The following MRPS35 variants were observed in gnomAD, a reference collection of about 807,000 sequenced individuals.
MRPS35 encodes mitochondrial ribosomal protein S35.
A neutral mutation model predicts 32.7 loss-of-function variants in MRPS35; 29 were observed. The observed-to-expected ratio is 0.89, with a 90% CI of 0.66 to 1.21. The LOEUF (loss-of-function observed/expected upper bound fraction) is 1.21. Ranked by LOEUF, MRPS35 falls within the 50% of genes most tolerant of loss-of-function variation. MRPS35 has a pLI of 0.00. For synonymous variants in MRPS35, 148 were observed against 139.3 expected (o/e 1.06, Z -0.44); for missense variants, 373 against 383.8 (o/e 0.97, Z 0.23).
chr12:27,721,879 G>T (rs575453651), intron 4 of MRPS35, among the ~76,000 whole-genome samples: 2 of 152,208 alleles, frequency 1.3e-5, no homozygotes, highest in South Asian at 4.1e-4. Context: ...TTGATCCCAG[G>T]AGTTTGAGAC....
rs2062009245 is a variant in MRPS35, at chr12:27,752,448, A to C, written c.703-2733A>C. Among the ~76,000 whole-genome samples the C allele has an allele frequency of 2.6e-5, 4 of 152,226 alleles. 1 individual carries two copies. In the South Asian group the frequency reaches 8.3e-4, roughly 32 times the overall value. ...GCATCTATTTTGAAGCCGTTAAGAAAATTCAGATAAAACATGTGAAACTTA... is the reference window on the plus strand; with the variant it reads ...GCATCTATTTTGAAGCCGTTAAGAACATTCAGATAAAACATGTGAAACTTA... On this transcript the variant is annotated intron_variant, in intron 7 of 7. Coordinates refer to ENST00000081029, the MANE Select transcript of MRPS35 (RefSeq NM_021821.4).
chr12:27,751,392 A>G (rs2062002686), intron 7 of MRPS35, among the ~76,000 whole-genome samples: 4 of 152,154 alleles, frequency 2.6e-5, no homozygotes, highest in Admixed American at 2.6e-4. Context: ...GCGTGGGTGG[A>G]TGAGCAGAAA....
chr12:27,750,102 G>C (rs993642536), intron 7 of MRPS35, among the ~76,000 whole-genome samples: 1 of 152,152 alleles, frequency 6.6e-6, no homozygotes, highest in African/African-American at 2.4e-5. Flanking sequence ...ATAGATGAGA[G>C]GCTATTTATA....
Position 27,755,475 on chromosome 12 carries a change from G to C in MRPS35, c.*25G>C. The stretch of plus-strand genomic sequence containing the variant: ...AATTATGGAGTAGAAAAATCTGCTT[G>C]ATTTATTAATTTTATGATATATGTG... On this transcript the variant is annotated 3_prime_UTR_variant, in exon 8 of 8. Transcript: ENST00000081029. 1 of 1,497,034 alleles carries C rather than the reference G, an allele frequency of 6.7e-7. No individual in the cohort carries two copies. Among genetic ancestry groups the C allele is most frequent in the Non-Finnish European group, 8.9e-7 (1 of 1,126,928 alleles). 92.7% of individuals were successfully genotyped at this position (1,497,034 alleles called of 1,614,324 possible).
At chr12:27,746,692 T>C (rs142589989) in intron 7 of MRPS35, among the ~76,000 whole-genome samples, 2 of 152,362 alleles carry the variant, frequency 1.3e-5, no homozygotes, top group East Asian at 3.9e-4. Context: ...TTCATTTTAT[T>C]ATATACTTAA....
intron 2 of MRPS35, among the ~76,000 whole-genome samples, chr12:27,715,247 T>A (rs1388904117): frequency 6.6e-6 from 1 of 152,262 alleles, no homozygotes; most frequent in Non-Finnish European, 1.5e-5. Flanking sequence ...GTGGTTCTCC[T>A]GCCTCAGCCT....
chr12:27,755,195 G>T lies in MRPS35; in HGVS notation c.717G>T (p.Trp239Cys). The T allele has an allele frequency of 6.5e-7, 1 of 1,543,744 alleles. No individual in the cohort carries two copies. Among genetic ancestry groups the T allele is most frequent in the South Asian group, 1.3e-5 (1 of 76,818 alleles). ...TTTTGTTTCAGAATACTGAAGAATG[G>T]GAAAAAAGTAAGACTGAAGCAGACA... ...LYHESWNTEEWEKSKTEADME... is the reference protein window; with the variant it reads ...LYHESWNTEECEKSKTEADME... Residue 239 changes from tryptophan (W) to cysteine (C), a missense_variant, in exon 8 of 8, where the codon TGG becomes TGT. Transcript: ENST00000081029.
Position 27,755,292 on chromosome 12 carries a change from G to A in MRPS35, c.814G>A (p.Ala272Thr). The stretch of plus-strand genomic sequence containing the variant: ...GGAAACGCTTCTCCAGATGAAAGCT[G>A]CTGAGAAAAATATGGAAATAAATAA... Reference protein sequence around the residue: ...ILETLLQMKAAEKNMEINKEE... With the variant: ...ILETLLQMKATEKNMEINKEE... Residue 272 changes from alanine (A) to threonine (T), a missense_variant, in exon 8 of 8, where the codon GCT (alanine) becomes ACT (threonine). Physicochemically the swap from Ala to Thr is moderately conservative, Grantham distance 58 (BLOSUM62 0). Coordinates refer to ENST00000081029, the MANE Select transcript of MRPS35 (RefSeq NM_021821.4). The A allele has an allele frequency of 6.2e-7, 1 of 1,613,146 alleles. No homozygotes were observed. The highest frequency in any genetic ancestry group is 8.5e-7 in the Non-Finnish European group (1 of 1,179,816).
At chr12:27,747,384 G>A (rs577010866) in intron 7 of MRPS35, among the ~76,000 whole-genome samples, 2 of 152,128 alleles carry the variant, frequency 1.3e-5, no homozygotes. Flanking sequence ...AGGACAAGGA[G>A]TATATATTCA....
intron 7 of MRPS35, among the ~76,000 whole-genome samples, chr12:27,748,440 TGTG>T (rs1302897059): frequency 2.2e-5 from 2 of 92,992 alleles, no homozygotes; most frequent in African/African-American, 1.0e-4. Flanking sequence ...AGAAAAGTGG[TGTG>T]TGTGTGTGTG....
rs371509681 is a variant in MRPS35, at chr12:27,742,963, C to T, written c.702+5355C>T. On this transcript the variant is annotated intron_variant, in intron 7 of 7. Transcript: ENST00000081029. ...GCAGCCTCTACCTCCCAGGCTCAGA[C>T]GATCCTCTCACCTCAGCCTCCCAAG... 1.1e-4 allele frequency among the ~76,000 whole-genome samples: 17 copies of T among 152,134 alleles called. No individual in the cohort carries two copies. The East Asian group carries it at 1.2e-3, about 10-fold the overall frequency.
intron 4 of MRPS35, among the ~76,000 whole-genome samples, chr12:27,723,104 T>TA (rs1239568526): frequency 2.0e-5 from 3 of 152,154 alleles, no homozygotes; most frequent in Non-Finnish European, 4.4e-5. Context: ...TAGCTGTTCT[T>TA]AGAGTGAGGC....
At chr12:27,744,439 CA>C (rs35046549) in intron 7 of MRPS35, among the ~76,000 whole-genome samples, 1,673 of 147,540 alleles carry the variant, frequency 0.011, 27 homozygotes, top group African/African-American at 0.038. Context: ...ACTAAAAATA[CA>C]AAAAAAAAAT....
intron 5 of MRPS35, among the ~76,000 whole-genome samples, chr12:27,725,356 A>C (rs543960499): frequency 5.9e-5 from 9 of 152,336 alleles, no homozygotes; most frequent in South Asian, 2.1e-4. Context: ...TATATAAATA[A>C]TTTCATAATA....
At chr12:27,714,021 G>A (rs2061838867) in intron 1 of MRPS35, among the ~76,000 whole-genome samples, 1 of 147,910 alleles carries the variant, frequency 6.8e-6, no homozygotes, top group Admixed American at 6.9e-5. Flanking sequence ...GCTGCAGTAA[G>A]CCGAGATTGC....
chr12:27,752,333 G>A lies in MRPS35; in HGVS notation c.703-2848G>A, dbSNP rs975041232. The stretch of plus-strand genomic sequence containing the variant: ...ACCTGTAATACATCTTGGCAAACCA[G>A]TGTATAATTATATACACCAAATGTA... On this transcript the variant is annotated intron_variant, in intron 7 of 7. Transcript: ENST00000081029. 2.0e-5 allele frequency among the ~76,000 whole-genome samples: 3 copies of A among 152,176 alleles called. No individual in the cohort carries two copies. The East Asian group carries it at 5.8e-4, about 29-fold the overall frequency.
chr12:27,755,140 A>G (rs773217601), intron 7 of MRPS35, 41 bp from the exon 8 acceptor site: 5 of 1,472,388 alleles, frequency 3.4e-6, no homozygotes, highest in Non-Finnish European at 4.5e-6. Flanking sequence ...GATATTTCTC[A>G]GAATTCAGAA....
chr12:27,733,662 T>G (rs1254467953), intron 5 of MRPS35, among the ~76,000 whole-genome samples: 1 of 152,200 alleles, frequency 6.6e-6, no homozygotes, highest in African/African-American at 2.4e-5. Context: ...TAAAAAATTC[T>G]TCATATTGGT....
At chr12:27,731,883 GA>G (rs2061923510) in intron 5 of MRPS35, among the ~76,000 whole-genome samples, 1 of 152,108 alleles carries the variant, frequency 6.6e-6, no homozygotes, top group Non-Finnish European at 1.5e-5. Flanking sequence ...CCATCTTTAT[GA>G]AGTGAATTAT....
Sources: gnomAD v4.1 joint callset for allele counts (sites outside exome capture counted in the v4.1 genomes callset) on GRCh38, gnomAD v4.1.1 for gene constraint, MANE v1.5 for transcripts, NCBI Gene and HGNC (gene_info 2026-07-23, HGNC 2026-07-21) for gene names.